The following GRIP2 variants were observed in gnomAD, a reference collection of about 807,000 sequenced individuals.
GRIP2 encodes glutamate receptor-interacting protein 2.
GRIP2 carries 58 observed loss-of-function variants against 108.3 expected under a neutral mutation model. The ratio of observed to expected loss-of-function variants is 0.54; its 90% CI spans 0.43 to 0.67. GRIP2 has a LOEUF of 0.67. GRIP2 is among the 30% of genes least tolerant of loss of function. GRIP2 has a pLI of 0.00. For synonymous variants in GRIP2, 586 were observed against 598.2 expected (o/e 0.98, Z 0.30); for missense variants, 1,278 against 1,430.6 (o/e 0.89, Z 1.72).
At chr3:14,520,658 A>T in intron 7 of GRIP2, 121 bp from the exon 8 acceptor site, 1 of 945,396 alleles carries the variant, frequency 1.1e-6, no homozygotes, top group South Asian at 1.7e-5. Flanking sequence ...CCATTTGATT[A>T]ACATAATTTT....
chr3:14,574,102 C>A, the GRIP2 span: 1 of 1,159,614 alleles, frequency 8.6e-7, no homozygotes, highest in Non-Finnish European at 1.3e-6. Flanking sequence ...AGAATCGAGT[C>A]CATCGTTTCA....
chr3:14,569,412 C>T, the GRIP2 span, among the ~76,000 whole-genome samples: 1 of 152,160 alleles, frequency 6.6e-6, no homozygotes, highest in African/African-American at 2.4e-5. Context: ...ATCCTTAGGG[C>T]CTGGTGCCTA....
the GRIP2 span, among the ~76,000 whole-genome samples, chr3:14,578,815 A>G: frequency 6.3e-3 from 940 of 148,538 alleles, 6 homozygotes; most frequent in African/African-American, 0.018. Context: ...TCTGAGCTTC[A>G]TTATTTTCAC....
intron 9 of GRIP2, 28 bp from the exon 10 acceptor site, chr3:14,517,925 G>T (rs768317853): frequency 5.3e-6 from 8 of 1,521,220 alleles, no homozygotes; most frequent in Non-Finnish European, 6.2e-6. Context: ...AGAGGAAAGA[G>T]AGGTGCAGGC....
At chr3:14,519,979 C>T in intron 9 of GRIP2, 131 bp downstream of exon 9, 1 of 907,216 alleles carries the variant, frequency 1.1e-6, no homozygotes. Context: ...TTGAGCTTCC[C>T]TGGGCAAATG....
chr3:14,590,754 G>C, the GRIP2 span, among the ~76,000 whole-genome samples: 3 of 152,168 alleles, frequency 2.0e-5, no homozygotes, highest in South Asian at 6.2e-4. Context: ...AAATACAAAG[G>C]CCTCTACCAG....
At chr3:14,504,725 A>T (rs146556742) in intron 20 of GRIP2, among the ~76,000 whole-genome samples, 88 of 152,308 alleles carry the variant, frequency 5.8e-4, no homozygotes, top group African/African-American at 2.0e-3. Context: ...AGGCTGAAGG[A>T]CACTTGCTCC....
chr3:14,587,447 A>G, the GRIP2 span, among the ~76,000 whole-genome samples: 65 of 152,202 alleles, frequency 4.3e-4, no homozygotes, highest in African/African-American at 1.1e-3. Context: ...CCGGGCCAAC[A>G]TAGTGACATA....
At chr3:14,579,930 C>G in the GRIP2 span, among the ~76,000 whole-genome samples, 32 of 152,310 alleles carry the variant, frequency 2.1e-4, no homozygotes, top group African/African-American at 7.7e-4. Context: ...GGGCTGCACT[C>G]GGTGCCATAC....
chr3:14,524,043 G>T, intron 4 of GRIP2: 1 of 478,836 alleles, frequency 2.1e-6, no homozygotes, highest in Non-Finnish European at 3.7e-6. Flanking sequence ...CCCAAGCTAG[G>T]TGAAACCCTA....
At chr3:14,568,872 C>T in the GRIP2 span, among the ~76,000 whole-genome samples, 17 of 152,032 alleles carry the variant, frequency 1.1e-4, 1 homozygote, top group East Asian at 3.3e-3. Context: ...GTCAGACAAC[C>T]GAGGCTCCAA....
intron 21 of GRIP2, among the ~76,000 whole-genome samples, chr3:14,498,910 C>T (rs542942370): frequency 6.6e-5 from 10 of 152,274 alleles, no homozygotes; most frequent in African/African-American, 2.4e-4. Flanking sequence ...AAGGTAACAA[C>T]GAGACATACG....
the GRIP2 span, among the ~76,000 whole-genome samples, chr3:14,593,556 G>A: frequency 2.6e-5 from 4 of 152,160 alleles, no homozygotes; most frequent in Non-Finnish European, 5.9e-5. Context: ...CTCCCAAGAT[G>A]ACCCTGAACA....
rs879880700 is a variant in GRIP2, at chr3:14,511,728, C to T, written c.1721-249G>A. The stretch of plus-strand genomic sequence containing the variant: ...GAGAGTAAACCAGATAACACAGGCA[C>T]AAGATCCAGCATGGCCCTTCCAATG... On this transcript the variant is annotated intron_variant, in intron 14 of 23. Coordinates refer to ENST00000621039, the MANE Select transcript of GRIP2 (RefSeq NM_001080423.4). This position sits in a 1 kb window ranked among gnomAD's most constrained non-coding sequence, Gnocchi z 4.1. Among the ~76,000 whole-genome samples, 7 of 152,240 alleles carry T rather than the reference C, an allele frequency of 4.6e-5. No homozygotes were observed. The highest frequency in any genetic ancestry group is 4.6e-4 in the Admixed American group (7 of 15,288).
chr3:14,565,267 C>T, the GRIP2 span, among the ~76,000 whole-genome samples: 1 of 152,194 alleles, frequency 6.6e-6, no homozygotes, highest in African/African-American at 2.4e-5. Flanking sequence ...TCCCCTCTGG[C>T]AGGTGGGTTA....
chr3:14,553,988 A>C (rs1358946814), intron 1 of GRIP2, among the ~76,000 whole-genome samples: 1 of 152,132 alleles, frequency 6.6e-6, no homozygotes. Context: ...TTTTCTATTA[A>C]GAGCTATGCT....
rs1693909296 is a variant in GRIP2, at chr3:14,505,784, AG to A, written c.2403del (p.Tyr802IlefsTer20). The A allele has an allele frequency of 6.5e-7, 1 of 1,531,982 alleles. No individual in the cohort carries two copies. Among genetic ancestry groups the A allele is most frequent in the Non-Finnish European group, 8.8e-7 (1 of 1,141,064 alleles). 94.9% of individuals were successfully genotyped at this position (1,531,982 alleles called of 1,614,324 possible). A position where few individuals can be genotyped will look rare whatever the true frequency, so the allele number is the denominator to read the frequency against. On this transcript the variant is annotated frameshift_variant, in exon 20 of 24. Transcript: ENST00000621039. LOFTEE classifies it high-confidence loss of function. This position sits in a 1 kb window ranked among gnomAD's most constrained non-coding sequence, Gnocchi z 4.2. ...CCCCGGGCTGCTGCCTGTGGTGTAT[AG>A]GACCCTGGTGGTGGAGAGAGGGCCT... ...ATEGGFGGPG[S>X]YTPQAAARGT...
intron 20 of GRIP2, among the ~76,000 whole-genome samples, chr3:14,504,460 C>T (rs757032189): frequency 2.0e-5 from 3 of 151,874 alleles, no homozygotes; most frequent in Non-Finnish European, 2.9e-5. Context: ...CACAGGCATG[C>T]GCCACCACCC....
intron 20 of GRIP2, among the ~76,000 whole-genome samples, chr3:14,504,209 A>G (rs948534601): frequency 1.3e-5 from 2 of 152,220 alleles, no homozygotes; most frequent in Non-Finnish European, 2.9e-5. Context: ...TGAGTCTCAG[A>G]AAGTTCACAA....
Sources: allele counts gnomAD v4.1 joint callset (sites outside exome capture counted in the v4.1 genomes callset), GRCh38; gene constraint gnomAD v4.1.1; non-coding constraint Gnocchi (gnomAD v3.1); transcripts MANE v1.5; gene names NCBI Gene and HGNC (gene_info 2026-07-23, HGNC 2026-07-21).